Variants in ESR1 observed in about 807,000 individuals in gnomAD.
ESR1 encodes the protein estrogen receptor.
A neutral mutation model predicts 52.7 loss-of-function variants in ESR1; 12 were observed. That is an observed-to-expected ratio of 0.23 (90% CI 0.15 to 0.37). ESR1 has a LOEUF of 0.37. Among genes scored for constraint, ESR1 ranks in the 10% least tolerant of loss-of-function variants. The pLI, the probability that ESR1 is intolerant of heterozygous loss-of-function variation, is 1.00. For synonymous variants in ESR1, 305 were observed against 316.8 expected, an observed-to-expected ratio of 0.96 and a Z score of 0.39; for missense variants, 584 against 779.7, an observed-to-expected ratio of 0.75 and a Z score of 2.99.
chr6:152,073,714 G>C (rs2048518201), intron 6 of ESR1, among the ~76,000 whole-genome samples: 1 of 152,056 alleles, frequency 6.6e-6, no homozygotes, highest in African/African-American at 2.4e-5. Flanking sequence ...TTGAGCACTG[G>C]GCCAGAAGTG....
chr6:151,944,131 G>A (rs1279048926), intron 3 of ESR1, 42 bp from the exon 4 acceptor site: 1 of 1,558,750 alleles, frequency 6.4e-7, no homozygotes. Flanking sequence ...AGTTTACACG[G>A]GAAAAAAATA....
intron 4 of ESR1, among the ~76,000 whole-genome samples, chr6:151,957,230 C>T (rs529574196): frequency 1.2e-3 from 182 of 152,104 alleles, no homozygotes; most frequent in African/African-American, 4.1e-3. Flanking sequence ...CATTGGGCGA[C>T]CCAGTCCCCT....
chr6:151,788,661 A>G (rs1447504562), intron 2 of ESR1, among the ~76,000 whole-genome samples: 1 of 152,236 alleles, frequency 6.6e-6, no homozygotes, highest in African/African-American at 2.4e-5. Context: ...GCATATGTTC[A>G]TTGCAGCACT....
chr6:151,863,446 G>C (rs1789262103), intron 2 of ESR1, among the ~76,000 whole-genome samples: 1 of 152,090 alleles, frequency 6.6e-6, no homozygotes, highest in Non-Finnish European at 1.5e-5. Context: ...CTCTCTGTTT[G>C]TCTGTTATTG....
upstream of ESR1, among the ~76,000 whole-genome samples, chr6:151,687,228 G>C (rs1036206993): frequency 6.6e-6 from 1 of 152,210 alleles, no homozygotes; most frequent in Non-Finnish European, 1.5e-5. Context: ...TGAAGTGGGC[G>C]TAGGGTGGGG....
intron 3 of ESR1, among the ~76,000 whole-genome samples, chr6:151,906,029 C>T (rs375250884): frequency 4.6e-5 from 7 of 152,224 alleles, no homozygotes; most frequent in Admixed American, 2.0e-4. Context: ...AGTTTTCACT[C>T]ATGCAAAAAT....
At chr6:152,021,147 G>A (rs190905570) in intron 5 of ESR1, among the ~76,000 whole-genome samples, 132 of 152,244 alleles carry the variant, frequency 8.7e-4, no homozygotes, top group African/African-American at 3.1e-3. Flanking sequence ...GCTGTGGAAG[G>A]CACACCCACC....
chr6:151,710,715 C>T (rs1780539637), intron 2 of ESR1, among the ~76,000 whole-genome samples: 8 of 152,036 alleles, frequency 5.3e-5, no homozygotes. Flanking sequence ...ATTGCTATCC[C>T]TCCCCTAGCC....
At chr6:152,055,725 G>A (rs2047046811) in intron 5 of ESR1, among the ~76,000 whole-genome samples, 1 of 152,030 alleles carries the variant, frequency 6.6e-6, no homozygotes, top group Non-Finnish European at 1.5e-5. Context: ...CACACTATCG[G>A]TCTCATTTGA....
chr6:152,059,759 A>G (rs1163698567), intron 5 of ESR1, among the ~76,000 whole-genome samples: 3 of 152,212 alleles, frequency 2.0e-5, no homozygotes, highest in Non-Finnish European at 4.4e-5. Flanking sequence ...AGACATAAAC[A>G]TAAGGATAGT....
At chr6:152,039,621 G>C (rs2045617135) in intron 5 of ESR1, among the ~76,000 whole-genome samples, 1 of 152,160 alleles carries the variant, frequency 6.6e-6, no homozygotes, top group Admixed American at 6.5e-5. Flanking sequence ...GTGATGGTGA[G>C]TGGTGCCACT....
intron 3 of ESR1, among the ~76,000 whole-genome samples, chr6:151,929,661 A>G (rs2033290793): frequency 6.9e-6 from 1 of 144,742 alleles, no homozygotes; most frequent in Admixed American, 6.9e-5. Context: ...AGTAAAAATA[A>G]ATTAGCTGGG....
chr6:151,796,543 A>G (rs976332621), intron 2 of ESR1, among the ~76,000 whole-genome samples: 5 of 152,216 alleles, frequency 3.3e-5, no homozygotes. Context: ...TTAAAATGAA[A>G]TGGCATTTGT....
In ESR1 at chr6:152,046,794, C is replaced by T. The variant is rs77092020; in HGVS notation, c.1236-14197C>T. On this transcript the variant is annotated intron_variant, in intron 5 of 7. Coordinates refer to ENST00000206249, the MANE Select transcript of ESR1 (RefSeq NM_000125.4). ...GAACTGGCTTCCATGGATAGCATTA[C>T]TCTCCTGACAGCTGCAGCTCCAAAT... Among the ~76,000 whole-genome samples, 587 of 152,308 alleles carry T rather than the reference C, an allele frequency of 3.9e-3. 5 individuals are homozygous for T. Among genetic ancestry groups the T allele is most frequent in the African/African-American group, 0.014 (578 of 41,556 alleles).
At chr6:152,004,064 C>T (rs1326216852) in intron 4 of ESR1, among the ~76,000 whole-genome samples, 1 of 151,950 alleles carries the variant, frequency 6.6e-6, no homozygotes, top group East Asian at 1.9e-4. Flanking sequence ...TTATAAGCCT[C>T]ATTTTTCTTT....
intron 2 of ESR1, among the ~76,000 whole-genome samples, chr6:151,726,457 G>A (rs997171961): frequency 1.1e-4 from 17 of 151,802 alleles, no homozygotes; most frequent in African/African-American, 3.6e-4. Context: ...TCAGCCTCCC[G>A]AGTAGCTGGG....
chr6:151,905,741 A>G (rs566385941), intron 3 of ESR1, among the ~76,000 whole-genome samples: 1 of 152,226 alleles, frequency 6.6e-6, no homozygotes, highest in South Asian at 2.1e-4. Flanking sequence ...TAGAAATATA[A>G]GAAAGATTTC....
At chr6:152,004,398 T>C (rs546263850) in intron 4 of ESR1, among the ~76,000 whole-genome samples, 2 of 152,160 alleles carry the variant, frequency 1.3e-5, no homozygotes, top group South Asian at 4.1e-4. Flanking sequence ...AGGTTTCTTT[T>C]CTTAATGATT....
rs188075354 is a variant in ESR1, at chr6:151,746,551, C to T, written c.-71+44546C>T. ...AAAGGCATCAATCAAAGCTGCTTAA[C>T]AGCTGATATGATAGTGATTACATGT... On this transcript the variant is annotated intron_variant, in intron 2 of 2. Transcript: ENST00000404742. Among the ~76,000 whole-genome samples, 825 of 152,260 alleles carry T rather than the reference C, an allele frequency of 5.4e-3. 25 individuals are homozygous for T. Among genetic ancestry groups the T allele is most frequent in the Non-Finnish European group, 1.5e-3 (103 of 68,014 alleles).
Sources: allele counts gnomAD v4.1 joint callset (sites outside exome capture counted in the v4.1 genomes callset), GRCh38; gene constraint gnomAD v4.1.1; transcripts MANE v1.5; gene names NCBI Gene and HGNC (gene_info 2026-07-23, HGNC 2026-07-21).